Variants in COL25A1 observed in about 807,000 individuals in gnomAD.
COL25A1 encodes the protein collagen type XXV alpha 1 chain.
In COL25A1, 103 loss-of-function variants were observed where a neutral mutation model predicts 128.4. That is an observed-to-expected ratio of 0.80 (90% CI 0.68 to 0.94). COL25A1 has a LOEUF of 0.94. Among genes scored for constraint, COL25A1 ranks in the 40% least tolerant of loss-of-function variants. The pLI, the probability that COL25A1 is intolerant of heterozygous loss-of-function variation, is 0.00. For missense variants in COL25A1, 745 were observed against 840.0 expected, an observed-to-expected ratio of 0.89 and a Z score of 1.40; for synonymous variants, 279 against 277.2, an observed-to-expected ratio of 1.01 and a Z score of -0.06.
intron 8 of COL25A1, among the ~76,000 whole-genome samples, chr4:108,968,479 T>A (rs940461384): frequency 2.2e-5 from 3 of 135,722 alleles, no homozygotes; most frequent in Non-Finnish European, 5.0e-5. Flanking sequence ...TATTGGCCAC[T>A]CTTTTTTTTT....
intron 3 of COL25A1, among the ~76,000 whole-genome samples, chr4:109,095,399 A>C (rs1765308395): frequency 6.6e-6 from 1 of 152,184 alleles, no homozygotes; most frequent in Admixed American, 6.5e-5. Flanking sequence ...GGAATAGTAA[A>C]AACTTTGGGA....
chr4:109,149,550 T>C (rs1319073118), intron 3 of COL25A1, among the ~76,000 whole-genome samples: 1 of 152,132 alleles, frequency 6.6e-6, no homozygotes, highest in Non-Finnish European at 1.5e-5. Flanking sequence ...TCTAAAAATT[T>C]ATGGCATCGG....
At chr4:108,972,048 C>T (rs1751964918) in intron 8 of COL25A1, among the ~76,000 whole-genome samples, 1 of 152,110 alleles carries the variant, frequency 6.6e-6, no homozygotes, top group Admixed American at 6.6e-5. Context: ...TTAATTTATT[C>T]CCACTGGACA....
chr4:109,226,126 A>T (rs1778789071), intron 3 of COL25A1, among the ~76,000 whole-genome samples: 1 of 152,166 alleles, frequency 6.6e-6, no homozygotes, highest in Non-Finnish European at 1.5e-5. Flanking sequence ...AATAAGTCAG[A>T]AACAGAAATT....
intron 5 of COL25A1, among the ~76,000 whole-genome samples, chr4:109,046,958 C>A (rs1328152061): frequency 1.3e-5 from 2 of 152,184 alleles, no homozygotes; most frequent in African/African-American, 4.8e-5. Context: ...AAAAACACAT[C>A]TAGCTCAGAG....
chr4:109,098,814 T>A (rs1039129213), intron 3 of COL25A1, among the ~76,000 whole-genome samples: 1 of 152,242 alleles, frequency 6.6e-6, no homozygotes, highest in Non-Finnish European at 1.5e-5. Flanking sequence ...ATAACCAATG[T>A]TAACTGCAAA....
At chr4:109,069,214 C>CT (rs935211910) in intron 3 of COL25A1, among the ~76,000 whole-genome samples, 121 of 140,560 alleles carry the variant, frequency 8.6e-4, no homozygotes, top group Non-Finnish European at 8.8e-4. Flanking sequence ...AATTAGTTTT[C>CT]TTTTTTTTTT....
chr4:108,926,531 A>G (rs1362632369), intron 11 of COL25A1, among the ~76,000 whole-genome samples: 1 of 152,208 alleles, frequency 6.6e-6, no homozygotes, highest in South Asian at 2.1e-4. Flanking sequence ...TCCAAAGGGA[A>G]GAATGATAAC....
intron 3 of COL25A1, among the ~76,000 whole-genome samples, chr4:109,200,263 C>T (rs894677550): frequency 6.6e-6 from 1 of 152,174 alleles, no homozygotes; most frequent in Non-Finnish European, 1.5e-5. Context: ...CTTTCCATGC[C>T]TAGGAGTTAA....
chr4:109,060,405 T>C (rs1761856655), intron 3 of COL25A1, among the ~76,000 whole-genome samples: 2 of 152,114 alleles, frequency 1.3e-5, no homozygotes, highest in Non-Finnish European at 2.9e-5. Context: ...CCCCACCTCA[T>C]TGCCCTCTTG....
chr4:109,267,614 C>T (rs766919951), intron 3 of COL25A1, among the ~76,000 whole-genome samples: 3 of 152,058 alleles, frequency 2.0e-5, no homozygotes, highest in South Asian at 2.1e-4. Context: ...TGGATAACAT[C>T]GTACATGTTG....
chr4:109,073,127 G>A lies in COL25A1; in HGVS notation c.368-22948C>T, dbSNP rs72883479. On this transcript the variant is annotated intron_variant, in intron 3 of 37. Transcript: ENST00000399132. ...AACCTCTGATACTGATAATGTGTGTGTGCATGTGTATGTGTGTGTGGGGGA... is the reference window on the plus strand; with the variant it reads ...AACCTCTGATACTGATAATGTGTGTATGCATGTGTATGTGTGTGTGGGGGA... 1.9e-3 allele frequency among the ~76,000 whole-genome samples: 294 copies of A among 152,284 alleles called. 2 individuals are homozygous for A. The highest frequency in any genetic ancestry group is 6.8e-3 in the African/African-American group (283 of 41,552).
intron 3 of COL25A1, among the ~76,000 whole-genome samples, chr4:109,284,884 C>T (rs900609333): frequency 6.7e-6 from 1 of 149,432 alleles, no homozygotes; most frequent in South Asian, 2.1e-4. Context: ...GAAGACAGGA[C>T]TTAACAGCAT....
intron 8 of COL25A1, among the ~76,000 whole-genome samples, chr4:108,961,591 GTTCT>G (rs1750692568): frequency 6.6e-6 from 1 of 151,580 alleles, no homozygotes; most frequent in Non-Finnish European, 1.5e-5. Flanking sequence ...GTTCTGTTCT[GTTCT>G]GTTCTGTTCT....
chr4:108,949,188 T>C (rs1425626771), intron 8 of COL25A1, among the ~76,000 whole-genome samples: 1 of 152,218 alleles, frequency 6.6e-6, no homozygotes, highest in African/African-American at 2.4e-5. Flanking sequence ...ATATACACTC[T>C]GCTAGAACTG....
At chr4:108,960,039 G>A (rs1196793570) in intron 8 of COL25A1, among the ~76,000 whole-genome samples, 1 of 152,054 alleles carries the variant, frequency 6.6e-6, no homozygotes, top group Non-Finnish European at 1.5e-5. Flanking sequence ...ATTTAAAAAG[G>A]CAGCAAAAAT....
At chr4:109,237,435 T>A (rs1197079369) in intron 3 of COL25A1, among the ~76,000 whole-genome samples, 1 of 151,924 alleles carries the variant, frequency 6.6e-6, no homozygotes, top group Non-Finnish European at 1.5e-5. Flanking sequence ...TCCACCCAGA[T>A]GGAACTTTTC....
chr4:109,188,195 T>A (rs1775301544), intron 3 of COL25A1, among the ~76,000 whole-genome samples: 1 of 152,200 alleles, frequency 6.6e-6, no homozygotes, highest in African/African-American at 2.4e-5. Context: ...ATACAGGGAC[T>A]ACAACAAATA....
chr4:109,007,395 T>C (rs529944460), intron 6 of COL25A1, among the ~76,000 whole-genome samples: 1 of 152,320 alleles, frequency 6.6e-6, no homozygotes, highest in South Asian at 2.1e-4. Flanking sequence ...ATACATGTAG[T>C]AGATTTTGGA....
Sources: allele counts gnomAD v4.1 joint callset (sites outside exome capture counted in the v4.1 genomes callset), GRCh38; gene constraint gnomAD v4.1.1; transcripts MANE v1.5; gene names NCBI Gene and HGNC (gene_info 2026-07-23, HGNC 2026-07-21).